Variants in RNF150 observed in about 807,000 individuals in gnomAD.
The protein encoded by RNF150 is ring finger protein 150.
In RNF150, 24 loss-of-function variants were observed where a neutral mutation model predicts 39.3. The observed-to-expected ratio is 0.61, with a 90% CI of 0.44 to 0.86. The LOEUF is 0.86. Among genes scored for constraint, RNF150 ranks in the 40% least tolerant of loss-of-function variants. The pLI, the probability that RNF150 is intolerant of heterozygous loss-of-function variation, is 0.00. For missense variants in RNF150, 502 were observed against 587.8 expected (o/e 0.85, Z 1.51); for synonymous variants, 255 against 227.3 (o/e 1.12, Z -1.10).
At chr4:141,006,221 C>T (rs77160381) in intron 1 of RNF150, among the ~76,000 whole-genome samples, 496 of 41,130 alleles carry the variant, frequency 0.012, 2 homozygotes, top group African/African-American at 0.02. Flanking sequence ...CATATATATA[C>T]ACATATATAT....
intron 1 of RNF150, among the ~76,000 whole-genome samples, chr4:141,004,693 C>A (rs1036374339): frequency 6.6e-6 from 1 of 152,246 alleles, no homozygotes; most frequent in South Asian, 2.1e-4. Context: ...ACTAAAAAAT[C>A]ATCCCCACTA....
At chr4:141,212,173 A>G (rs1728478990) in intron 1 of RNF150, among the ~76,000 whole-genome samples, 1 of 152,188 alleles carries the variant, frequency 6.6e-6, no homozygotes, top group Admixed American at 6.5e-5. Context: ...ATTAAAAGGT[A>G]AATAGTAGGC....
At chr4:141,026,084 G>C (rs1026709148) in intron 1 of RNF150, among the ~76,000 whole-genome samples, 1 of 152,088 alleles carries the variant, frequency 6.6e-6, no homozygotes, top group African/African-American at 2.4e-5. Context: ...TAAATTGTCT[G>C]ACGTCTTGAT....
chr4:141,160,033 C>G (rs534120346), intron 1 of RNF150, among the ~76,000 whole-genome samples: 1 of 152,232 alleles, frequency 6.6e-6, no homozygotes, highest in East Asian at 1.9e-4. Flanking sequence ...TGCCCCAGGT[C>G]ATCAGCAGTG....
intron 1 of RNF150, among the ~76,000 whole-genome samples, chr4:141,078,812 T>A (rs201015779): frequency 0.034 from 2,507 of 72,990 alleles, 164 homozygotes; most frequent in African/African-American, 0.11. Flanking sequence ...AAAAAAAATA[T>A]ATATATATAT....
At chr4:141,017,167 T>C (rs574595521) in intron 1 of RNF150, among the ~76,000 whole-genome samples, 1 of 152,268 alleles carries the variant, frequency 6.6e-6, no homozygotes, top group South Asian at 2.1e-4. Context: ...ACCTGATTGT[T>C]ATTCAAGCCC....
At chr4:141,052,528 A>T (rs1169407103) in intron 1 of RNF150, among the ~76,000 whole-genome samples, 1 of 152,100 alleles carries the variant, frequency 6.6e-6, no homozygotes, top group Non-Finnish European at 1.5e-5. Flanking sequence ...GGCATGCGCC[A>T]CCATGCCCAG....
At chr4:141,003,066 A>G (rs1038889359) in intron 1 of RNF150, among the ~76,000 whole-genome samples, 2 of 152,152 alleles carry the variant, frequency 1.3e-5, no homozygotes, top group Non-Finnish European at 2.9e-5. Flanking sequence ...TAATTAATTT[A>G]CAGACTCAGC....
intron 1 of RNF150, among the ~76,000 whole-genome samples, chr4:140,972,421 AT>A (rs1340818445): frequency 6.6e-6 from 1 of 152,212 alleles, no homozygotes; most frequent in Non-Finnish European, 1.5e-5. Context: ...GAATGTGAAG[AT>A]GATTTAATAT....
chr4:141,094,992 G>GA (rs1443357209), intron 1 of RNF150, among the ~76,000 whole-genome samples: 2 of 152,104 alleles, frequency 1.3e-5, no homozygotes, highest in African/African-American at 2.4e-5. Context: ...TTAACAACGA[G>GA]AAAAAAACTA....
chr4:140,911,073 G>A (rs911684724), intron 6 of RNF150, 71 bp downstream of exon 6: 1 of 1,232,414 alleles, frequency 8.1e-7, no homozygotes, highest in Non-Finnish European at 1.2e-6. Context: ...TTTGAGGAAA[G>A]GTATTTTTTT....
intron 6 of RNF150, among the ~76,000 whole-genome samples, chr4:140,910,476 A>G (rs978218299): frequency 1.3e-5 from 2 of 152,170 alleles, no homozygotes; most frequent in African/African-American, 4.8e-5. Context: ...TATGAAAACT[A>G]CCATCAAACA....
At chr4:141,124,656 C>T (rs1726704245) in intron 1 of RNF150, among the ~76,000 whole-genome samples, 1 of 152,128 alleles carries the variant, frequency 6.6e-6, no homozygotes, top group Non-Finnish European at 1.5e-5. Flanking sequence ...CATTTGTATG[C>T]CTCCTGACAA....
chr4:140,864,291 A>G lies in RNF150; in HGVS notation c.*3970T>C, dbSNP rs1728616081. ...GACCAGAGTTGACACTGCAGGGGAT[A>G]TCTAACCCTAGAGATTAAGTCAATG... On this transcript the variant is annotated 3_prime_UTR_variant, in exon 7 of 7. Coordinates refer to ENST00000515673, the MANE Select transcript of RNF150 (RefSeq NM_020724.2). 6.6e-6 allele frequency: 1 copy of G among 152,200 alleles called. No individual in the cohort carries two copies. Among genetic ancestry groups the G allele is most frequent in the African/African-American group, 2.4e-5 (1 of 41,444 alleles). 9.4% of individuals were successfully genotyped at this position (152,200 alleles called of 1,614,324 possible).
chr4:141,056,642 C>A (rs1329829746), intron 1 of RNF150, among the ~76,000 whole-genome samples: 1 of 151,872 alleles, frequency 6.6e-6, no homozygotes, highest in Non-Finnish European at 1.5e-5. Context: ...GAAGAGATAG[C>A]CTCTGCATTC....
chr4:141,161,364 A>G lies in RNF150; in HGVS notation c.-6+51430T>C, dbSNP rs200467423. On this transcript the variant is annotated intron_variant, in intron 1 of 7. Transcript: ENST00000420921. ...TTCAAGATGTGGCTTGGCTTCTTCT[A>G]ACAACCTATGCACATGTGTGTAAGC... Among the ~76,000 whole-genome samples the G allele has an allele frequency of 3.3e-5, 5 of 152,332 alleles. No homozygotes were observed. In the South Asian group the frequency reaches 1.0e-3, roughly 32 times the overall value.
chr4:141,168,758 C>T (rs1276592428), intron 1 of RNF150, among the ~76,000 whole-genome samples: 2 of 151,998 alleles, frequency 1.3e-5, no homozygotes, highest in African/African-American at 2.4e-5. Flanking sequence ...AACACATGGA[C>T]ACAGGGAGGG....
chr4:141,186,750 T>C (rs1243465378), intron 1 of RNF150, among the ~76,000 whole-genome samples: 1 of 152,192 alleles, frequency 6.6e-6, no homozygotes, highest in Non-Finnish European at 1.5e-5. Context: ...CTCTCTCTTC[T>C]TTTTAGTCTG....
At chr4:141,199,948 T>A (rs12644520) in intron 1 of RNF150, among the ~76,000 whole-genome samples, 43,822 of 151,980 alleles carry the variant, frequency 0.29, 6,741 homozygotes, top group African/African-American at 0.39. Context: ...AGTATGGACT[T>A]TTTAGTTATA....
Sources: allele counts gnomAD v4.1 joint callset (sites outside exome capture counted in the v4.1 genomes callset), GRCh38; gene constraint gnomAD v4.1.1; transcripts MANE v1.5; gene names NCBI Gene and HGNC (gene_info 2026-07-23, HGNC 2026-07-21).